CEMIP: variants seen among roughly 807,000 people sequenced by gnomAD.
CEMIP encodes cell migration inducing hyaluronidase 1.
CEMIP carries 105 observed loss-of-function variants against 156.9 expected under a neutral mutation model. The ratio of observed to expected loss-of-function variants is 0.67; its 90% confidence interval spans 0.57 to 0.79. The LOEUF is 0.79. Among genes scored for constraint, CEMIP ranks in the 30% least tolerant of loss-of-function variants. CEMIP has a pLI of 0.00. For synonymous variants in CEMIP, 676 were observed against 668.4 expected, an observed-to-expected ratio of 1.01 and a Z score of -0.17; for missense variants, 1,457 against 1,769.4, an observed-to-expected ratio of 0.82 and a Z score of 3.17.
intron 7 of CEMIP, among the ~76,000 whole-genome samples, chr15:80,886,999 A>G (rs903166887): frequency 2.6e-5 from 4 of 152,208 alleles, no homozygotes; most frequent in Admixed American, 2.6e-4. Flanking sequence ...CAATATGCCA[A>G]GTTGCCATTT....
At chr15:80,790,163 A>C (rs553814884) in intron 1 of CEMIP, among the ~76,000 whole-genome samples, 16 of 152,356 alleles carry the variant, frequency 1.1e-4, no homozygotes, top group African/African-American at 3.8e-4. Flanking sequence ...ACTTGGCTCA[A>C]AGGCAGAGAC....
chr15:80,886,412 T>G (rs1211619530), intron 7 of CEMIP, among the ~76,000 whole-genome samples: 1 of 152,110 alleles, frequency 6.6e-6, no homozygotes, highest in Non-Finnish European at 1.5e-5. Context: ...AGCAGGAAAG[T>G]GGACAGTTAA....
At chr15:80,904,295 G>A (rs1899697911) in intron 12 of CEMIP, among the ~76,000 whole-genome samples, 1 of 152,218 alleles carries the variant, frequency 6.6e-6, no homozygotes, top group East Asian at 1.9e-4. Context: ...GGATCCCCAG[G>A]CAGGAGGATT....
Position 80,948,951 on chromosome 15 carries a change from G to T in CEMIP, c.*27G>T. 6.2e-7 allele frequency: 1 copy of T among 1,613,964 alleles called. No individual in the cohort carries two copies. Among genetic ancestry groups the T allele is most frequent in the Admixed American group, 1.7e-5 (1 of 60,030 alleles). On this transcript the variant is annotated 3_prime_UTR_variant, in exon 30 of 30. Coordinates refer to ENST00000394685, the MANE Select transcript of CEMIP (RefSeq NM_001293298.2). ...GACAGCTGCCGCCCGGTGCCACCTC[G>T]TGGTAGACTATGACGGTGACTCTTG...
chr15:80,858,346 ATT>A (rs1316569330), intron 1 of CEMIP, among the ~76,000 whole-genome samples: 1 of 152,244 alleles, frequency 6.6e-6, no homozygotes, highest in Non-Finnish European at 1.5e-5. Context: ...GAAAATAAGT[ATT>A]CTTTTCCGAT....
chr15:80,813,037 C>T (rs1196693020), intron 1 of CEMIP, among the ~76,000 whole-genome samples: 1 of 152,172 alleles, frequency 6.6e-6, no homozygotes. Flanking sequence ...CATGTTTTCC[C>T]TTTACAATGC....
At chr15:80,933,671 GA>G (rs896541909) in intron 23 of CEMIP, among the ~76,000 whole-genome samples, 2 of 152,068 alleles carry the variant, frequency 1.3e-5, no homozygotes, top group East Asian at 1.9e-4. Context: ...AAAATGCTTA[GA>G]AAAAAAGAAC....
At chr15:80,841,922 T>C (rs972172364) in intron 1 of CEMIP, 2 of 263,060 alleles carry the variant, frequency 7.6e-6, no homozygotes, top group African/African-American at 4.7e-5. Context: ...TAAATGGTGA[T>C]ACTAATTCCT....
intron 12 of CEMIP, among the ~76,000 whole-genome samples, chr15:80,897,795 G>A (rs1899295772): frequency 6.6e-6 from 1 of 152,182 alleles, no homozygotes; most frequent in South Asian, 2.1e-4. Context: ...GAGATTAGCA[G>A]AAGAGCAGAA....
chr15:80,789,459 A>G (rs975346655), intron 1 of CEMIP, among the ~76,000 whole-genome samples: 2 of 152,240 alleles, frequency 1.3e-5, no homozygotes, highest in African/African-American at 4.8e-5. Context: ...TTAAGAAGCC[A>G]CAGAGTTCAT....
intron 12 of CEMIP, among the ~76,000 whole-genome samples, chr15:80,903,570 T>C (rs924767495): frequency 6.6e-6 from 1 of 151,666 alleles, no homozygotes; most frequent in African/African-American, 2.4e-5. Context: ...CCCACAGGAG[T>C]TGGAGTTTCA....
intron 7 of CEMIP, among the ~76,000 whole-genome samples, chr15:80,887,077 G>C (rs1210792674): frequency 6.6e-6 from 1 of 152,120 alleles, no homozygotes; most frequent in Non-Finnish European, 1.5e-5. Context: ...AAACAAAATG[G>C]GGTAAGAAAA....
Position 80,937,999 on chromosome 15 carries a change from G to T in CEMIP, c.3407+20G>T. 6.2e-7 allele frequency: 1 copy of T among 1,606,604 alleles called. No individual in the cohort carries two copies. The highest frequency in any genetic ancestry group is 8.5e-7 in the Non-Finnish European group (1 of 1,175,506). ...CTCAGGGTGAGCAGGCGCCCACTTG[G>T]CTGCAGGAAAGTGGCTCAACCTCAT... On this transcript the variant is annotated intron_variant, in intron 25 of 29. Transcript: ENST00000394685.
At chr15:80,794,306 G>A (rs995108792) in intron 1 of CEMIP, among the ~76,000 whole-genome samples, 1 of 152,074 alleles carries the variant, frequency 6.6e-6, no homozygotes, top group Non-Finnish European at 1.5e-5. Flanking sequence ...TCCTTTGCTT[G>A]TCTGACTCAT....
chr15:80,854,647 G>A (rs1897801747), intron 1 of CEMIP, among the ~76,000 whole-genome samples: 1 of 152,200 alleles, frequency 6.6e-6, no homozygotes, highest in South Asian at 2.1e-4. Flanking sequence ...GCTTTCCTAA[G>A]CATTTTGTAT....
intron 1 of CEMIP, among the ~76,000 whole-genome samples, chr15:80,870,728 G>A (rs1012047845): frequency 6.6e-6 from 1 of 152,264 alleles, no homozygotes; most frequent in African/African-American, 2.4e-5. Context: ...CTGAGCAGCA[G>A]TTGGACTTGG....
chr15:80,917,076 C>A (rs1443345404), intron 14 of CEMIP, among the ~76,000 whole-genome samples: 3 of 152,164 alleles, frequency 2.0e-5, no homozygotes, highest in African/African-American at 7.2e-5. Context: ...TTAAATAAGA[C>A]AACATGTAAA....
intron 1 of CEMIP, among the ~76,000 whole-genome samples, chr15:80,837,412 A>G (rs1241419299): frequency 6.6e-6 from 1 of 152,196 alleles, no homozygotes; most frequent in African/African-American, 2.4e-5. Flanking sequence ...GACAAGACGC[A>G]AAGAACACCA....
intron 1 of CEMIP, among the ~76,000 whole-genome samples, chr15:80,788,426 G>A (rs983380999): frequency 1.3e-5 from 2 of 148,394 alleles, no homozygotes; most frequent in African/African-American, 5.0e-5. Context: ...AGCTGAGATT[G>A]CGCCACTGCA....
Sources: gnomAD v4.1 joint callset for allele counts (sites outside exome capture counted in the v4.1 genomes callset) on GRCh38, gnomAD v4.1.1 for gene constraint, MANE v1.5 for transcripts, NCBI Gene and HGNC (gene_info 2026-07-23, HGNC 2026-07-21) for gene names.